The following FERMT2 variants were observed in gnomAD, a reference collection of about 807,000 sequenced individuals.
FERMT2 encodes the protein fermitin family homolog 2.
In FERMT2, 15 loss-of-function variants were observed where a neutral mutation model predicts 82.7. That is an observed-to-expected ratio of 0.18 (90% CI 0.12 to 0.28). The LOEUF is 0.28. Among genes scored for constraint, FERMT2 ranks in the 10% least tolerant of loss-of-function variants. The pLI is 1.00. For synonymous variants in FERMT2, 274 were observed against 271.5 expected (o/e 1.01, Z -0.09); for missense variants, 645 against 809.4 (o/e 0.80, Z 2.46).
chr14:52,924,970 G>A (rs1390781027), intron 2 of FERMT2, among the ~76,000 whole-genome samples: 5 of 152,086 alleles, frequency 3.3e-5, no homozygotes, highest in Non-Finnish European at 7.4e-5. Flanking sequence ...CTAAAGACCC[G>A]ACTGAGCCCC....
chr14:52,876,960 G>A (rs79554780), intron 7 of FERMT2, among the ~76,000 whole-genome samples: 4,415 of 152,190 alleles, frequency 0.029, 94 homozygotes, highest in Non-Finnish European at 0.045. Context: ...GGAGGGCTAT[G>A]GTTTGAGACC....
At position 52,881,113 on chromosome 14, in the gene FERMT2, T is replaced by G; in HGVS notation, c.778A>C (p.Met260Leu). The change falls in exon 6 of 15, where the codon ATG becomes CTG. Residue 260 changes from methionine (M) to leucine (L), a missense_variant. Met to Leu is a conservative substitution (Grantham distance 15). Transcript: ENST00000341590. ...QGWLDSSRSLMEQDVKENEAL... is the reference protein window; with the variant it reads ...QGWLDSSRSLLEQDVKENEAL... ...TCATTTTCCTTCACATCTTGTTCCA[T>G]GAGAGATCTTGAGGAATCAAGCCAT... The G allele has an allele frequency of 6.2e-7, 1 of 1,613,426 alleles. No individual in the cohort carries two copies. Among genetic ancestry groups the G allele is most frequent in the Non-Finnish European group, 8.5e-7 (1 of 1,179,612 alleles).
intron 3 of FERMT2, among the ~76,000 whole-genome samples, chr14:52,905,035 C>A: frequency 6.6e-6 from 1 of 151,118 alleles, no homozygotes; most frequent in East Asian, 2.0e-4. Flanking sequence ...ACTAAAAATA[C>A]AAAATTAGCT....
chr14:52,901,229 C>A (rs1341685113), intron 3 of FERMT2, among the ~76,000 whole-genome samples: 1 of 131,020 alleles, frequency 7.6e-6, no homozygotes, highest in Non-Finnish European at 1.5e-5. Context: ...TGCAGTGAGC[C>A]GAGATCGCGC....
intron 2 of FERMT2, among the ~76,000 whole-genome samples, chr14:52,925,655 T>C (rs1889225731): frequency 6.6e-6 from 1 of 152,036 alleles, no homozygotes; most frequent in Admixed American, 6.6e-5. Context: ...CTTTTTTCGT[T>C]TGAGATGGAG....
rs1439357523 is a variant in FERMT2 at position 52,939,565 on chromosome 14, A to C, written c.157+10847T>G. 3.3e-5 allele frequency among the ~76,000 whole-genome samples: 5 copies of C among 152,266 alleles called. No homozygotes were observed. The East Asian group carries it at 7.7e-4, about 23-fold the overall frequency. ...CTAAACACTTCATGTGTATTAACTA[A>C]CATAATCCTTATAATAATCCAAAGA... is the stretch of plus-strand genomic sequence containing the variant. On this transcript the variant is annotated intron_variant, in intron 2 of 14. Coordinates refer to ENST00000341590, the MANE Select transcript of FERMT2 (RefSeq NM_006832.3).
In FERMT2 at chr14:52,857,357, C is replaced by T. The variant is rs1476622774; in HGVS notation, c.*1020G>A. The T allele has an allele frequency of 6.6e-6, 1 of 152,350 alleles. No individual in the cohort carries two copies. Among genetic ancestry groups the T allele is most frequent in the Non-Finnish European group, 1.5e-5 (1 of 67,986 alleles). 9.4% of individuals were successfully genotyped at this position (152,350 alleles called of 1,614,324 possible). A position where few individuals can be genotyped will look rare whatever the true frequency, so the allele number is the denominator to read the frequency against. On this transcript the variant is annotated 3_prime_UTR_variant, in exon 15 of 15. Transcript: ENST00000341590. ...GGATTATTGAACAATACTGGTAATC[C>T]ACCTCTCCCTCGCACCCTTTTGGGC...
chr14:52,894,615 C>T (rs1434010646), intron 3 of FERMT2, among the ~76,000 whole-genome samples: 1 of 152,078 alleles, frequency 6.6e-6, no homozygotes, highest in Non-Finnish European at 1.5e-5. Flanking sequence ...AACAGACCTA[C>T]ATATGGGTGA....
chr14:52,903,524 C>T (rs1566740937), intron 3 of FERMT2, among the ~76,000 whole-genome samples: 1 of 150,150 alleles, frequency 6.7e-6, no homozygotes, highest in East Asian at 2.0e-4. Flanking sequence ...GGCAACAGAG[C>T]AAGACCCTGT....
intron 12 of FERMT2, chr14:52,860,790 C>T (rs764094441): frequency 1.9e-5 from 11 of 581,230 alleles, no homozygotes; most frequent in East Asian, 3.1e-5. Context: ...CACATATACA[C>T]GAGTTTTAAT....
chr14:52,920,263 C>A (rs1378553949), intron 2 of FERMT2, among the ~76,000 whole-genome samples: 1 of 152,118 alleles, frequency 6.6e-6, no homozygotes, highest in African/African-American at 2.4e-5. Flanking sequence ...CTGGGATCAA[C>A]TGTATGTTAA....
At chr14:52,945,677 C>T (rs542332920) in intron 2 of FERMT2, among the ~76,000 whole-genome samples, 5 of 152,152 alleles carry the variant, frequency 3.3e-5, no homozygotes, top group Non-Finnish European at 7.3e-5. Flanking sequence ...TACATTCTCT[C>T]TACTCATAGA....
chr14:52,880,931 T>C (rs1165421713), intron 6 of FERMT2, 105 bp downstream of exon 6: 3 of 668,978 alleles, frequency 4.5e-6, no homozygotes, highest in South Asian at 2.2e-5. Flanking sequence ...CAAGATTTCC[T>C]ATATACAAAT....
intron 2 of FERMT2, among the ~76,000 whole-genome samples, chr14:52,923,238 A>G (rs1412837029): frequency 6.6e-6 from 1 of 151,848 alleles, no homozygotes; most frequent in Non-Finnish European, 1.5e-5. Context: ...TATTTTACAT[A>G]ATTTTATATA....
intron 10 of FERMT2, chr14:52,871,542 CAGA>C (rs1399668895): frequency 1.3e-5 from 2 of 152,374 alleles, no homozygotes; most frequent in East Asian, 3.9e-4. Flanking sequence ...CATCTACCTG[CAGA>C]AGAACCAGAC....
At chr14:52,879,195 G>A (rs1020702543) in intron 6 of FERMT2, among the ~76,000 whole-genome samples, 2 of 152,166 alleles carry the variant, frequency 1.3e-5, no homozygotes, top group African/African-American at 4.8e-5. Context: ...GTTATTTTAA[G>A]TATGCAAAAT....
intron 9 of FERMT2, 98 bp downstream of exon 9, chr14:52,874,079 C>T (rs1192618664): frequency 6.2e-6 from 4 of 643,430 alleles, no homozygotes; most frequent in African/African-American, 3.8e-5. Context: ...ACAGTAGATG[C>T]GTTTGTTAGT....
chr14:52,878,571 C>G lies in FERMT2; in HGVS notation c.963+11G>C. On this transcript the variant is annotated intron_variant, in intron 7 of 14. Transcript: ENST00000341590. Reference sequence around the variant, plus strand: ...CCGGAATAAGTCCCATTTACTAGACCTTTCAACTACCTGCAGGGCTGCAAA... The same window carrying G: ...CCGGAATAAGTCCCATTTACTAGACGTTTCAACTACCTGCAGGGCTGCAAA... 6.4e-7 allele frequency: 1 copy of G among 1,570,258 alleles called. No individual in the cohort carries two copies. Among genetic ancestry groups the G allele is most frequent in the Non-Finnish European group, 8.7e-7 (1 of 1,145,462 alleles).
chr14:52,939,729 A>G (rs1344735221), intron 2 of FERMT2, among the ~76,000 whole-genome samples: 1 of 152,204 alleles, frequency 6.6e-6, no homozygotes, highest in Non-Finnish European at 1.5e-5. Flanking sequence ...CTCCATACCA[A>G]GGGCATTCCA....
Sources: allele counts gnomAD v4.1 joint callset (sites outside exome capture counted in the v4.1 genomes callset), GRCh38; gene constraint gnomAD v4.1.1; transcripts MANE v1.5; gene names NCBI Gene and HGNC (gene_info 2026-07-23, HGNC 2026-07-21).